SEMA3C: variants seen among roughly 807,000 people sequenced by gnomAD.
SEMA3C encodes semaphorin 3C, also known as semaphorin-3C.
A neutral mutation model predicts 89.4 loss-of-function variants in SEMA3C; 47 were observed. That is an observed-to-expected ratio of 0.53 (90% CI 0.42 to 0.67). The LOEUF (loss-of-function observed/expected upper bound fraction) is 0.67. Among genes scored for constraint, SEMA3C ranks in the 30% least tolerant of loss-of-function variants. SEMA3C has a pLI of 0.00. For missense variants in SEMA3C, 839 were observed against 929.1 expected, an observed-to-expected ratio of 0.90 and a Z score of 1.26; for synonymous variants, 310 against 320.2, an observed-to-expected ratio of 0.97 and a Z score of 0.34.
intron 11 of SEMA3C, among the ~76,000 whole-genome samples, chr7:80,789,791 A>G (rs1788893164): frequency 6.6e-6 from 1 of 152,210 alleles, no homozygotes; most frequent in African/African-American, 2.4e-5. Flanking sequence ...TGTATATGAG[A>G]TAACTCTTCA....
At chr7:80,751,741 T>C (rs1787941216) in intron 15 of SEMA3C, among the ~76,000 whole-genome samples, 1 of 152,210 alleles carries the variant, frequency 6.6e-6, no homozygotes, top group Admixed American at 6.5e-5. Context: ...ATAGCTTGTC[T>C]TAAATAAACA....
At chr7:80,747,750 A>G (rs941100150) in intron 17 of SEMA3C, among the ~76,000 whole-genome samples, 4 of 152,176 alleles carry the variant, frequency 2.6e-5, no homozygotes, top group South Asian at 2.1e-4. Flanking sequence ...TATTGTTAGC[A>G]TCTTAGGCTT....
At chr7:80,922,319 C>T (rs1447120770), upstream of SEMA3C, 3 of 1,285,972 alleles carry the variant, frequency 2.3e-6, no homozygotes, top group Non-Finnish European at 3.0e-6. Flanking sequence ...TTCTCCTTCA[C>T]TCAACTTCCA....
rs374841226 is a variant in SEMA3C, at chr7:80,768,010, A to T, written c.1355-2767T>A. On this transcript the variant is annotated intron_variant, in intron 12 of 17. Transcript: ENST00000265361. The stretch of plus-strand genomic sequence containing the variant: ...AATAATGTTTATACAAAAGAGCAAG[A>T]CAGAGTTTGCCAGAATAATGCCTGA... Among the ~76,000 whole-genome samples, 22 of 152,370 alleles carry T rather than the reference A, an allele frequency of 1.4e-4. No individual in the cohort carries two copies. The East Asian group carries it at 2.3e-3, about 16-fold the overall frequency.
intron 2 of SEMA3C, among the ~76,000 whole-genome samples, chr7:80,895,189 T>C (rs1166452996): frequency 6.6e-6 from 1 of 152,140 alleles, no homozygotes; most frequent in African/African-American, 2.4e-5. Context: ...TAAACTAGTC[T>C]TTACTAATGG....
At chr7:80,791,117 C>T (rs181520751) in intron 11 of SEMA3C, among the ~76,000 whole-genome samples, 6 of 151,910 alleles carry the variant, frequency 3.9e-5, no homozygotes, top group African/African-American at 7.2e-5. Context: ...AAAACAAGAA[C>T]GAGATCTGGA....
At chr7:80,893,901 G>A (rs1010998705) in intron 2 of SEMA3C, among the ~76,000 whole-genome samples, 1 of 151,986 alleles carries the variant, frequency 6.6e-6, no homozygotes, top group Non-Finnish European at 1.5e-5. Flanking sequence ...TGTAAACAAC[G>A]TTACAACGTT....
chr7:80,876,543 T>G (rs1791207579), intron 2 of SEMA3C, among the ~76,000 whole-genome samples: 2 of 152,194 alleles, frequency 1.3e-5, no homozygotes, highest in Admixed American at 1.3e-4. Flanking sequence ...AGTATCTAAT[T>G]TACTGAGTTG....
At chr7:80,799,983 C>T (rs1789161792) in intron 10 of SEMA3C, among the ~76,000 whole-genome samples, 1 of 151,554 alleles carries the variant, frequency 6.6e-6, no homozygotes, top group Admixed American at 6.6e-5. Flanking sequence ...GTAACCCCAC[C>T]TCTACTAAAA....
At chr7:80,818,735 G>A (rs1407145533) in intron 4 of SEMA3C, among the ~76,000 whole-genome samples, 1 of 152,176 alleles carries the variant, frequency 6.6e-6, no homozygotes, top group African/African-American at 2.4e-5. Context: ...ATTCAAAGCT[G>A]TCCTGGGTTG....
chr7:80,872,279 T>C (rs1443365344), intron 2 of SEMA3C, among the ~76,000 whole-genome samples: 1 of 151,964 alleles, frequency 6.6e-6, no homozygotes, highest in Non-Finnish European at 1.5e-5. Flanking sequence ...GCCTCCCAAG[T>C]AGCTGGGACT....
chr7:80,795,884 T>A (rs994171742), intron 11 of SEMA3C, among the ~76,000 whole-genome samples: 1 of 152,214 alleles, frequency 6.6e-6, no homozygotes, highest in Non-Finnish European at 1.5e-5. Flanking sequence ...AAGTTACCAC[T>A]CTAATGTTCT....
intron 14 of SEMA3C, among the ~76,000 whole-genome samples, chr7:80,759,333 C>T (rs1788134655): frequency 6.6e-6 from 1 of 152,078 alleles, no homozygotes; most frequent in African/African-American, 2.4e-5. Flanking sequence ...GTGTACTCCT[C>T]CATGTACAGA....
intron 2 of SEMA3C, among the ~76,000 whole-genome samples, chr7:80,890,502 C>T (rs1037923747): frequency 5.3e-5 from 8 of 152,092 alleles, no homozygotes; most frequent in African/African-American, 1.9e-4. Context: ...AATCTAAAGG[C>T]TCAAAAATGA....
At chr7:80,904,284 AC>A (rs1254293478) in intron 2 of SEMA3C, among the ~76,000 whole-genome samples, 2 of 152,030 alleles carry the variant, frequency 1.3e-5, no homozygotes, top group African/African-American at 4.8e-5. Flanking sequence ...CAAGTGATCC[AC>A]CCACCTCAGC....
intron 11 of SEMA3C, chr7:80,793,532 A>C (rs1241190767): frequency 2.4e-6 from 1 of 425,490 alleles, no homozygotes; most frequent in East Asian, 7.1e-5. Context: ...CAAAATAACA[A>C]TATTATGACA....
chr7:80,869,811 C>A lies in SEMA3C; in HGVS notation c.104-41066G>T, dbSNP rs376966253. The stretch of plus-strand genomic sequence containing the variant: ...AACCCTTACTCCCTCATTCCTCAAA[C>A]CAAAAAGGGCTGGGTGTCTTATGGA... On this transcript the variant is annotated intron_variant, in intron 2 of 17. Transcript: ENST00000265361. 3.4e-4 allele frequency among the ~76,000 whole-genome samples: 52 copies of A among 152,164 alleles called. 1 individual carries two copies. Among genetic ancestry groups the A allele is most frequent in the Middle Eastern group, 3.4e-3 (1 of 294 alleles).
chr7:80,841,775 A>G (rs1451942465), intron 2 of SEMA3C, among the ~76,000 whole-genome samples: 2 of 152,200 alleles, frequency 1.3e-5, no homozygotes, highest in African/African-American at 4.8e-5. Flanking sequence ...TAAACTATAT[A>G]CCATAAAACC....
chr7:80,836,111 G>A (rs1790118849), intron 2 of SEMA3C, among the ~76,000 whole-genome samples: 1 of 152,106 alleles, frequency 6.6e-6, no homozygotes, highest in Admixed American at 6.6e-5. Flanking sequence ...TTGCCAGTCG[G>A]GGACGAGTAG....
Sources: allele counts gnomAD v4.1 joint callset (sites outside exome capture counted in the v4.1 genomes callset), GRCh38; gene constraint gnomAD v4.1.1; transcripts MANE v1.5; gene names NCBI Gene and HGNC (gene_info 2026-07-23, HGNC 2026-07-21).